The following PPA2 variants were observed in gnomAD, a reference collection of about 807,000 sequenced individuals.
The protein encoded by PPA2 is inorganic pyrophosphatase 2, mitochondrial.
PPA2 carries 48 observed loss-of-function variants against 49.5 expected under a neutral mutation model. The ratio of observed to expected loss-of-function variants is 0.97; its 90% CI spans 0.77 to 1.23. PPA2 has a LOEUF of 1.23. PPA2 is among the 50% of genes most tolerant of loss of function. The pLI is 0.00. For missense variants in PPA2, 429 were observed against 410.1 expected (o/e 1.05, Z -0.40); for synonymous variants, 131 against 139.9 (o/e 0.94, Z 0.45).
intron 9 of PPA2, among the ~76,000 whole-genome samples, chr4:105,392,275 A>AC (rs200967149): frequency 1.2e-4 from 18 of 151,338 alleles, no homozygotes; most frequent in African/African-American, 1.7e-4. Context: ...AACAACAACA[A>AC]AAAAAAAAAC....
chr4:105,444,183 G>A (rs72950598), intron 5 of PPA2, among the ~76,000 whole-genome samples: 5,036 of 152,238 alleles, frequency 0.033, 278 homozygotes, highest in African/African-American at 0.11. Flanking sequence ...GAACAGTTTG[G>A]TGAAGGCCTG....
chr4:105,433,424 C>T (rs962339022), intron 6 of PPA2, among the ~76,000 whole-genome samples: 2 of 152,142 alleles, frequency 1.3e-5, no homozygotes, highest in African/African-American at 2.4e-5. Context: ...CAAAATTAGA[C>T]TCCCATTTGA....
intron 1 of PPA2, among the ~76,000 whole-genome samples, chr4:105,462,949 C>A (rs1723154258): frequency 6.6e-6 from 1 of 152,288 alleles, no homozygotes; most frequent in African/African-American, 2.4e-5. Context: ...TTGTAAATTC[C>A]ACAGTCTTGG....
chr4:105,387,990 C>G (rs1015694531), intron 9 of PPA2, among the ~76,000 whole-genome samples: 1 of 139,174 alleles, frequency 7.2e-6, no homozygotes, highest in Non-Finnish European at 1.5e-5. Context: ...TACAACAATG[C>G]TTTTAACATT....
intron 1 of PPA2, 172 bp downstream of exon 1, chr4:105,473,722 G>A: frequency 9.7e-7 from 1 of 1,027,124 alleles, no homozygotes; most frequent in Non-Finnish European, 1.5e-6. Context: ...CAGTTCTCGT[G>A]ACTCGGTGCG....
chr4:105,438,734 C>G (rs998293007), intron 5 of PPA2, among the ~76,000 whole-genome samples: 1 of 152,112 alleles, frequency 6.6e-6, no homozygotes, highest in African/African-American at 2.4e-5. Context: ...CTATCTCTCC[C>G]AAAAAGCCTC....
chr4:105,443,590 T>TACACAC (rs1724465435), intron 5 of PPA2, among the ~76,000 whole-genome samples: 1 of 113,032 alleles, frequency 8.8e-6, no homozygotes, highest in Admixed American at 1.0e-4. Flanking sequence ...TTATGGTGTA[T>TACACAC]TCACACACAC....
intron 7 of PPA2, among the ~76,000 whole-genome samples, chr4:105,421,766 G>A (rs1317032066): frequency 6.6e-6 from 1 of 152,088 alleles, no homozygotes; most frequent in Non-Finnish European, 1.5e-5. Context: ...AAACTTGCTG[G>A]GCATGGTGGC....
chr4:105,419,378 A>G (rs552848004), intron 7 of PPA2, among the ~76,000 whole-genome samples: 1 of 151,798 alleles, frequency 6.6e-6, no homozygotes, highest in Non-Finnish European at 1.5e-5. Flanking sequence ...TCACTGTTCA[A>G]CTCCCACCTA....
intron 7 of PPA2, among the ~76,000 whole-genome samples, chr4:105,409,745 G>T (rs982932158): frequency 6.6e-6 from 1 of 152,220 alleles, no homozygotes; most frequent in South Asian, 2.1e-4. Context: ...CTGTTCTGCA[G>T]CCTCTGCTGG....
At chr4:105,385,410 A>G (rs1263887156) in intron 10 of PPA2, among the ~76,000 whole-genome samples, 1 of 152,058 alleles carries the variant, frequency 6.6e-6, no homozygotes. Context: ...ACATCAGTAA[A>G]AAAAAAACAA....
rs1578785170 is a variant in PPA2, at chr4:105,369,452, T to C, written c.*273A>G. On this transcript the variant is annotated 3_prime_UTR_variant, in exon 12 of 12. Coordinates refer to ENST00000341695, the MANE Select transcript of PPA2 (RefSeq NM_176869.3). ...ACTGGCCAGGCTGGTCTTGAACTCC[T>C]GACCTTGTGATCTGCCCACCTCGGC... The C allele has an allele frequency of 2.7e-6, 1 of 374,942 alleles. No homozygotes were observed. Among genetic ancestry groups the C allele is most frequent in the East Asian group, 5.5e-5 (1 of 18,168 alleles). 23.2% of individuals were successfully genotyped at this position (374,942 alleles called of 1,614,324 possible). A position where few individuals can be genotyped will look rare whatever the true frequency, so the allele number is the denominator to read the frequency against.
intron 9 of PPA2, among the ~76,000 whole-genome samples, chr4:105,387,976 T>G (rs1733751291): frequency 6.8e-6 from 1 of 147,656 alleles, no homozygotes; most frequent in Non-Finnish European, 1.5e-5. Context: ...CTAATTACAA[T>G]GCATACAACA....
chr4:105,418,324 C>G (rs1370138132), intron 7 of PPA2, among the ~76,000 whole-genome samples: 1 of 152,180 alleles, frequency 6.6e-6, no homozygotes, highest in Non-Finnish European at 1.5e-5. Flanking sequence ...AAATCAAACA[C>G]TACATTAATT....
At chr4:105,396,185 T>A (rs1734133941) in intron 9 of PPA2, 64 bp downstream of exon 9, 1 of 1,031,584 alleles carries the variant, frequency 9.7e-7, no homozygotes, top group African/African-American at 1.6e-5. Context: ...GAAATCTGAT[T>A]ATTATGTGGC....
intron 9 of PPA2, among the ~76,000 whole-genome samples, chr4:105,390,899 A>G (rs1733889168): frequency 6.6e-6 from 1 of 152,208 alleles, no homozygotes; most frequent in South Asian, 2.1e-4. Context: ...TGTTTATTGC[A>G]GCACTATTCA....
At chr4:105,453,741 A>C in intron 2 of PPA2, 99 bp from the exon 3 acceptor site, 1 of 853,072 alleles carries the variant, frequency 1.2e-6, no homozygotes, top group Non-Finnish European at 1.7e-6. Context: ...GACATTCTAC[A>C]CAAAGACTGT....
chr4:105,442,804 G>A, intron 5 of PPA2, among the ~76,000 whole-genome samples: 1 of 152,188 alleles, frequency 6.6e-6, no homozygotes, highest in Non-Finnish European at 1.5e-5. Flanking sequence ...CTGCTTAAAT[G>A]TTCTTCTAAG....
chr4:105,370,485 G>A (rs1233047741), intron 11 of PPA2: 2 of 474,470 alleles, frequency 4.2e-6, no homozygotes, highest in East Asian at 1.6e-4. Context: ...TAAAATAAGT[G>A]ATTCATTAAA....
Sources: allele counts gnomAD v4.1 joint callset (sites outside exome capture counted in the v4.1 genomes callset), GRCh38; gene constraint gnomAD v4.1.1; transcripts MANE v1.5; gene names NCBI Gene and HGNC (gene_info 2026-07-23, HGNC 2026-07-21).